The following MDGA2 variants were observed in gnomAD, a reference collection of about 807,000 sequenced individuals.
MDGA2 encodes MAM domain-containing glycosylphosphatidylinositol anchor protein 2.
Under a neutral mutation model 117.8 loss-of-function variants are expected in MDGA2, and 40 were observed. The ratio of observed to expected loss-of-function variants is 0.34; its 90% CI spans 0.26 to 0.44. The LOEUF (loss-of-function observed/expected upper bound fraction) is 0.44. Ranked by LOEUF, MDGA2 falls within the 20% of genes least tolerant of loss-of-function variation. The pLI, the probability that MDGA2 is intolerant of heterozygous loss-of-function variation, is 1.00. For synonymous variants in MDGA2, 452 were observed against 439.0 expected, an observed-to-expected ratio of 1.03 and a Z score of -0.37; for missense variants, 1,123 against 1,250.6, an observed-to-expected ratio of 0.90 and a Z score of 1.54.
intron 10 of MDGA2, among the ~76,000 whole-genome samples, chr14:46,909,292 A>G (rs1883609546): frequency 6.6e-6 from 1 of 152,192 alleles, no homozygotes; most frequent in Non-Finnish European, 1.5e-5. Flanking sequence ...TCAATCAAAT[A>G]TTGCTGTTCA....
rs1224954883 is a variant in MDGA2, at chr14:47,612,425, G to GT, written c.280+62091dup. The stretch of plus-strand genomic sequence containing the variant: ...TGTTATGTTTCTAATACTTCAAAAT[G>GT]TTTTTTTCAAATACAAGCTTTAACA... On this transcript the variant is annotated intron_variant, in intron 1 of 16. Transcript: ENST00000399232. Among the ~76,000 whole-genome samples, 12 of 152,116 alleles carry GT rather than the reference G, an allele frequency of 7.9e-5. 2 individuals carry two copies. The highest frequency in any genetic ancestry group is 2.6e-4 in the African/African-American group (11 of 41,510).
chr14:46,963,124 G>A (rs189553538), intron 8 of MDGA2, among the ~76,000 whole-genome samples: 2 of 152,280 alleles, frequency 1.3e-5, no homozygotes, highest in Admixed American at 1.3e-4. Context: ...TATGTGAATT[G>A]ATGGTTAAAC....
At chr14:47,337,809 T>G (rs542930238) in intron 1 of MDGA2, among the ~76,000 whole-genome samples, 62 of 152,154 alleles carry the variant, frequency 4.1e-4, no homozygotes, top group Admixed American at 2.0e-3. Context: ...GACCAGACTG[T>G]GTATGTTAAT....
intron 1 of MDGA2, among the ~76,000 whole-genome samples, chr14:47,657,891 C>G (rs566861072): frequency 1.6e-4 from 24 of 152,224 alleles, no homozygotes; most frequent in African/African-American, 5.5e-4. Flanking sequence ...AAATTAATGA[C>G]TATTATATGT....
intron 1 of MDGA2, among the ~76,000 whole-genome samples, chr14:47,510,095 G>A (rs1305891768): frequency 6.6e-6 from 1 of 152,104 alleles, no homozygotes; most frequent in East Asian, 1.9e-4. Context: ...GTAACAGGAG[G>A]TGGGACTTTG....
chr14:46,892,109 T>TA (rs1882907643), intron 10 of MDGA2, among the ~76,000 whole-genome samples: 1 of 151,724 alleles, frequency 6.6e-6, no homozygotes, highest in Non-Finnish European at 1.5e-5. Flanking sequence ...GAAAATAATA[T>TA]AAAAATGTGT....
At chr14:46,873,625 T>G (rs1262635733) in intron 13 of MDGA2, 34 bp from the exon 14 acceptor site, 1 of 1,570,886 alleles carries the variant, frequency 6.4e-7, no homozygotes, top group Admixed American at 1.8e-5. Context: ...TTTAAACACA[T>G]TATTCTTAGG....
chr14:47,579,810 T>C (rs899908845), intron 1 of MDGA2, among the ~76,000 whole-genome samples: 2 of 152,068 alleles, frequency 1.3e-5, no homozygotes, highest in Admixed American at 6.6e-5. Context: ...CTCAACGCTA[T>C]ACAGAGGGAA....
intron 3 of MDGA2, among the ~76,000 whole-genome samples, chr14:47,207,553 T>C (rs1885730798): frequency 1.3e-5 from 2 of 151,942 alleles, no homozygotes; most frequent in African/African-American, 4.8e-5. Flanking sequence ...TTGTTCCCCT[T>C]TCTCTATTTT....
rs1020925810 is a variant in MDGA2, at chr14:47,069,504, C to A, written c.1196-7926G>T. On this transcript the variant is annotated intron_variant, in intron 6 of 16. Coordinates refer to ENST00000399232, the MANE Select transcript of MDGA2 (RefSeq NM_001113498.3). ...CTATCACTTGAACAGTTCTAACATTCGAAAATAAATTAGTGGACTGTTCTC... is the reference window on the plus strand; with the variant it reads ...CTATCACTTGAACAGTTCTAACATTAGAAAATAAATTAGTGGACTGTTCTC... 3.3e-5 allele frequency among the ~76,000 whole-genome samples: 5 copies of A among 152,028 alleles called. No homozygotes were observed. The South Asian group carries it at 1.0e-3, about 31-fold the overall frequency.
At chr14:47,494,302 G>C (rs986982410) in intron 1 of MDGA2, among the ~76,000 whole-genome samples, 10 of 152,078 alleles carry the variant, frequency 6.6e-5, no homozygotes, top group Admixed American at 6.6e-4. Flanking sequence ...GTTTGTGCAG[G>C]GATTGGTATA....
intron 3 of MDGA2, among the ~76,000 whole-genome samples, chr14:47,158,363 G>GT (rs1555358939): frequency 0.01 from 1,513 of 146,770 alleles, 30 homozygotes; most frequent in East Asian, 0.088. Flanking sequence ...CCCTGGGGTG[G>GT]GTGTGTGTGT....
chr14:47,283,334 T>C (rs1888565034), intron 2 of MDGA2, among the ~76,000 whole-genome samples: 1 of 152,190 alleles, frequency 6.6e-6, no homozygotes, highest in African/African-American at 2.4e-5. Context: ...ATAGCATGAA[T>C]ACTGGTATGC....
At chr14:47,190,476 C>T (rs142388614) in intron 3 of MDGA2, among the ~76,000 whole-genome samples, 131 of 152,170 alleles carry the variant, frequency 8.6e-4, no homozygotes, top group African/African-American at 3.0e-3. Context: ...ATAAAAACAG[C>T]AAATTCAATT....
chr14:47,444,547 A>AGAGATCATCT (rs1893081937), intron 1 of MDGA2: 1 of 157,978 alleles, frequency 6.3e-6, no homozygotes, highest in African/African-American at 2.4e-5. Context: ...TGTTTAAATG[A>AGAGATCATCT]GAGATCATCT....
chr14:47,160,052 T>G (rs1197547394), intron 3 of MDGA2, among the ~76,000 whole-genome samples: 2 of 152,168 alleles, frequency 1.3e-5, no homozygotes, highest in Non-Finnish European at 2.9e-5. Flanking sequence ...GTTGTGTCAC[T>G]TCGAGGTCTA....
intron 8 of MDGA2, among the ~76,000 whole-genome samples, chr14:47,019,051 AATTT>A (rs1170729446): frequency 2.6e-5 from 4 of 152,180 alleles, no homozygotes; most frequent in African/African-American, 9.7e-5. Flanking sequence ...CTAGCAGAGA[AATTT>A]ATTGACTGAA....
At chr14:47,540,051 C>T (rs1404114550) in intron 1 of MDGA2, among the ~76,000 whole-genome samples, 2 of 152,254 alleles carry the variant, frequency 1.3e-5, no homozygotes, top group African/African-American at 4.8e-5. Flanking sequence ...GTCTCGCTGC[C>T]GCCCAGGCTG....
intron 3 of MDGA2, among the ~76,000 whole-genome samples, chr14:47,217,149 G>T (rs977933202): frequency 2.6e-5 from 4 of 151,832 alleles, no homozygotes; most frequent in African/African-American, 9.7e-5. Flanking sequence ...ATCCTATCCT[G>T]CAATGAAAGA....
Sources: gnomAD v4.1 joint callset for allele counts (sites outside exome capture counted in the v4.1 genomes callset) on GRCh38, gnomAD v4.1.1 for gene constraint, MANE v1.5 for transcripts, NCBI Gene and HGNC (gene_info 2026-07-23, HGNC 2026-07-21) for gene names.